The following NTM variants were observed in gnomAD, a reference collection of about 807,000 sequenced individuals.
NTM encodes IgLON family member 2.
A neutral mutation model predicts 42.1 loss-of-function variants in NTM; 13 were observed. That is an observed-to-expected ratio of 0.31 (90% CI 0.20 to 0.49). The LOEUF (loss-of-function observed/expected upper bound fraction) is 0.49. Among genes scored for constraint, NTM ranks in the 20% least tolerant of loss-of-function variants. NTM has a pLI of 0.99. For synonymous variants in NTM, 187 were observed against 179.2 expected, an observed-to-expected ratio of 1.04 and a Z score of -0.35; for missense variants, 373 against 452.8, an observed-to-expected ratio of 0.82 and a Z score of 1.60.
chr11:131,695,653 G>A (rs918077850), intron 1 of NTM, among the ~76,000 whole-genome samples: 1 of 152,196 alleles, frequency 6.6e-6, no homozygotes, highest in Non-Finnish European at 1.5e-5. Flanking sequence ...ATGTTTAGGA[G>A]CAACTTCACC....
intron 1 of NTM, among the ~76,000 whole-genome samples, chr11:131,688,936 G>A (rs1022674476): frequency 2.0e-5 from 3 of 152,184 alleles, no homozygotes; most frequent in African/African-American, 7.2e-5. Context: ...TGTTTCCTTA[G>A]GATTGTTAGA....
intron 4 of NTM, among the ~76,000 whole-genome samples, chr11:132,298,584 G>T (rs916288433): frequency 4.6e-5 from 7 of 152,142 alleles, no homozygotes. Context: ...TTATGGGAAG[G>T]GATGGGCCTC....
intron 1 of NTM, among the ~76,000 whole-genome samples, chr11:131,483,709 C>T (rs187986605): frequency 8.5e-5 from 13 of 152,316 alleles, no homozygotes; most frequent in Non-Finnish European, 1.5e-4. Flanking sequence ...GCTGTCCCTC[C>T]GCTGCGTTTC....
intron 4 of NTM, among the ~76,000 whole-genome samples, chr11:132,231,703 C>T (rs2087596814): frequency 6.6e-6 from 1 of 152,186 alleles, no homozygotes; most frequent in African/African-American, 2.4e-5. Flanking sequence ...CCACATTACA[C>T]AAAGTGAATT....
intron 2 of NTM, among the ~76,000 whole-genome samples, chr11:132,071,238 G>A (rs1263994451): frequency 3.1e-5 from 4 of 131,068 alleles, no homozygotes; most frequent in African/African-American, 6.0e-5. Flanking sequence ...TAGTTAACAC[G>A]TCACTCAGCC....
chr11:132,205,739 G>A (rs1019692116), intron 3 of NTM, among the ~76,000 whole-genome samples: 30 of 152,146 alleles, frequency 2.0e-4, no homozygotes, highest in Non-Finnish European at 5.9e-5. Context: ...CTATTGGCAC[G>A]TCAGTTCTTA....
At chr11:131,963,042 T>A (rs2062403675) in intron 2 of NTM, among the ~76,000 whole-genome samples, 1 of 152,202 alleles carries the variant, frequency 6.6e-6, no homozygotes, top group African/African-American at 2.4e-5. Context: ...TCCTTACTTT[T>A]CCAGAAAGCT....
chr11:131,816,106 A>G (rs2092941234), intron 1 of NTM, among the ~76,000 whole-genome samples: 1 of 152,190 alleles, frequency 6.6e-6, no homozygotes, highest in Admixed American at 6.5e-5. Context: ...TAGTTGCTGG[A>G]AAATTCTGCC....
chr11:132,022,528 C>T (rs889319830), intron 2 of NTM, among the ~76,000 whole-genome samples: 10 of 152,018 alleles, frequency 6.6e-5, no homozygotes, highest in Non-Finnish European at 8.8e-5. Context: ...CCACTCTTTG[C>T]GAGTTCCCTT....
At chr11:132,218,981 T>G (rs1030884445) in intron 4 of NTM, among the ~76,000 whole-genome samples, 11 of 152,166 alleles carry the variant, frequency 7.2e-5, no homozygotes, top group Non-Finnish European at 1.5e-4. Context: ...AAGATGTGCT[T>G]CTTTATTAAT....
rs1023165456 is a variant in NTM at position 132,029,122 on chromosome 11, A to G, written c.168-117160A>G. Among the ~76,000 whole-genome samples, 5 of 150,308 alleles carry G rather than the reference A, an allele frequency of 3.3e-5. 1 individual carries two copies. The highest frequency in any genetic ancestry group is 1.3e-4 in the Admixed American group (2 of 15,084). On this transcript the variant is annotated intron_variant, in intron 2 of 8. Coordinates refer to ENST00000683400, the MANE Select transcript of NTM (RefSeq NM_001352005.2). ...TGGGCTTCTGCTCTTATAAGTTGTG[A>G]TTCTCTGTATCCACCTGTCTTTTCC...
chr11:131,978,575 C>CTTTAGAG (rs2064769360), intron 2 of NTM, among the ~76,000 whole-genome samples: 1 of 151,966 alleles, frequency 6.6e-6, no homozygotes, highest in Non-Finnish European at 1.5e-5. Context: ...TAACCTAAGG[C>CTTTAGAG]TCTAGAGTCT....
chr11:131,773,862 C>G lies in NTM; in HGVS notation c.83-137702C>G, dbSNP rs1042837072. The stretch of plus-strand genomic sequence containing the variant: ...GGGTGACTAAGCAGCGCATGATCTT[C>G]CATCGTTTTATTGCATGGTCTGGGT... On this transcript the variant is annotated intron_variant, in intron 1 of 8. Coordinates refer to ENST00000683400, the MANE Select transcript of NTM (RefSeq NM_001352005.2). The G allele has an allele frequency of 1.5e-5, 4 of 258,764 alleles. No homozygotes were observed. The Admixed American group carries it at 2.6e-4, about 17-fold the overall frequency. 16.0% of individuals were successfully genotyped at this position (258,764 alleles called of 1,614,324 possible). A position where few individuals can be genotyped will look rare whatever the true frequency, so the allele number is the denominator to read the frequency against.
intron 1 of NTM, among the ~76,000 whole-genome samples, chr11:131,611,119 G>A (rs530902257): frequency 5.1e-4 from 77 of 152,268 alleles, no homozygotes; most frequent in African/African-American, 1.8e-3. Context: ...GTAGGAAGAG[G>A]CATCGGGGAC....
intron 2 of NTM, among the ~76,000 whole-genome samples, chr11:131,912,880 G>A (rs567384519): frequency 6.6e-6 from 1 of 152,276 alleles, no homozygotes; most frequent in South Asian, 2.1e-4. Flanking sequence ...TGAAGAGGAG[G>A]CAATGTCAAT....
chr11:132,320,779 T>G (rs1264832703), intron 7 of NTM, among the ~76,000 whole-genome samples: 2 of 151,670 alleles, frequency 1.3e-5, no homozygotes, highest in Non-Finnish European at 2.9e-5. Context: ...TGTCCCTGTC[T>G]GACAGCTTTG....
At chr11:131,390,547 A>T (rs1943872934) in intron 1 of NTM, among the ~76,000 whole-genome samples, 1 of 152,162 alleles carries the variant, frequency 6.6e-6, no homozygotes, top group South Asian at 2.1e-4. Context: ...GCATTCAGTG[A>T]TTTACTTCAA....
At chr11:131,916,307 A>AATGAATGCTTTCCACATTTCAGAG (rs1298837520) in intron 2 of NTM, among the ~76,000 whole-genome samples, 1 of 152,200 alleles carries the variant, frequency 6.6e-6, no homozygotes, top group African/African-American at 2.4e-5. Flanking sequence ...TGGCAGTTTC[A>AATGAATGCTTTCCACATTTCAGAG]ATGAATGCTT....
At chr11:132,320,223 G>T (rs144417265) in intron 7 of NTM, among the ~76,000 whole-genome samples, 2 of 152,214 alleles carry the variant, frequency 1.3e-5, no homozygotes, top group African/African-American at 2.4e-5. Flanking sequence ...CAGCCTGAGC[G>T]ACGCAGAAGA....
Sources: gnomAD v4.1 joint callset for allele counts (sites outside exome capture counted in the v4.1 genomes callset) on GRCh38, gnomAD v4.1.1 for gene constraint, MANE v1.5 for transcripts, NCBI Gene and HGNC (gene_info 2026-07-23, HGNC 2026-07-21) for gene names.